PRKN: variants seen among roughly 807,000 people sequenced by gnomAD.
PRKN encodes the protein parkin RBR E3 ubiquitin protein ligase.
PRKN carries 56 observed loss-of-function variants against 59.5 expected under a neutral mutation model. The ratio of observed to expected loss-of-function variants is 0.94; its 90% CI spans 0.76 to 1.18. The LOEUF (loss-of-function observed/expected upper bound fraction) is 1.18, where lower values mean the gene tolerates loss of function less well. PRKN is among the 50% of genes most tolerant of loss of function. PRKN has a pLI of 0.00. For missense variants in PRKN, 657 were observed against 596.4 expected, an observed-to-expected ratio of 1.10 and a Z score of -1.06; for synonymous variants, 250 against 222.1, an observed-to-expected ratio of 1.13 and a Z score of -1.12.
chr6:162,593,369 T>A (rs1781381256), intron 1 of PRKN, among the ~76,000 whole-genome samples: 1 of 152,230 alleles, frequency 6.6e-6, no homozygotes, highest in East Asian at 1.9e-4. Context: ...GAAAAGAACC[T>A]GAGAAGCCCT....
intron 5 of PRKN, 43 bp from the exon 6 acceptor site, chr6:161,973,460 G>A (rs751186019): frequency 9.0e-7 from 1 of 1,108,910 alleles, no homozygotes; most frequent in South Asian, 1.3e-5. Flanking sequence ...GATCCCGGCT[G>A]CTCATTTTTC....
chr6:161,449,572 A>T (rs1292525244), intron 9 of PRKN, among the ~76,000 whole-genome samples: 1 of 152,192 alleles, frequency 6.6e-6, no homozygotes, highest in Non-Finnish European at 1.5e-5. Flanking sequence ...TCAAAGCAAC[A>T]ATAAAATAAG....
intron 4 of PRKN, among the ~76,000 whole-genome samples, chr6:162,166,557 T>A (rs1192524740): frequency 6.6e-6 from 1 of 152,182 alleles, no homozygotes. Flanking sequence ...ATTGAACTTG[T>A]TTGTCATGGT....
At position 161,475,845 on chromosome 6, in the gene PRKN, T is replaced by C. The variant is rs1192451312; in HGVS notation, c.1083+73009A>G. On this transcript the variant is annotated intron_variant, in intron 9 of 11. Coordinates refer to ENST00000366898, the MANE Select transcript of PRKN (RefSeq NM_004562.3). The surrounding 1 kb of genome is among the most constrained non-coding windows in gnomAD (Gnocchi z 5.3). ...CATGAATTTCTTTTTATTACTCTGATAACTGCATTTTCCTTTCAATCTTAT... is the reference window on the plus strand; with the variant it reads ...CATGAATTTCTTTTTATTACTCTGACAACTGCATTTTCCTTTCAATCTTAT... Among the ~76,000 whole-genome samples the C allele has an allele frequency of 2.0e-5, 3 of 152,118 alleles. No individual in the cohort carries two copies. The highest frequency in any genetic ancestry group is 2.9e-5 in the Non-Finnish European group (2 of 68,030).
At chr6:162,178,867 G>A (rs949224491) in intron 4 of PRKN, among the ~76,000 whole-genome samples, 6 of 151,914 alleles carry the variant, frequency 3.9e-5, no homozygotes, top group African/African-American at 1.5e-4. Flanking sequence ...CAGTGTTTTC[G>A]CTTGTTTGCT....
At chr6:162,314,864 G>A (rs1028230489) in intron 2 of PRKN, among the ~76,000 whole-genome samples, 8 of 152,066 alleles carry the variant, frequency 5.3e-5, no homozygotes, top group African/African-American at 1.9e-4. Flanking sequence ...CTGAACATGG[G>A]ATCAAGTAAA....
intron 5 of PRKN, among the ~76,000 whole-genome samples, chr6:161,974,315 C>A (rs1780942798): frequency 6.6e-6 from 1 of 152,096 alleles, no homozygotes; most frequent in Admixed American, 6.5e-5. Flanking sequence ...TTCTGCCTGG[C>A]ATCAACACCC....
rs1470156623 is a variant in PRKN at position 161,592,012 on chromosome 6, T to C, written c.872-22596A>G. ...CTCAAGTCTCTGATATACAATGATGTAGTATTTCTATATAACCTATGCACA... is the reference window on the plus strand; with the variant it reads ...CTCAAGTCTCTGATATACAATGATGCAGTATTTCTATATAACCTATGCACA... On this transcript the variant is annotated intron_variant, in intron 7 of 11. Coordinates refer to ENST00000366898, the MANE Select transcript of PRKN (RefSeq NM_004562.3). This position sits in a 1 kb window ranked among gnomAD's most constrained non-coding sequence, Gnocchi z 4.8. Among the ~76,000 whole-genome samples, 1 of 152,184 alleles carries C rather than the reference T, an allele frequency of 6.6e-6. No individual in the cohort carries two copies. The highest frequency in any genetic ancestry group is 1.5e-5 in the Non-Finnish European group (1 of 68,036).
chr6:162,140,724 A>AATCGAGCAC (rs11282448), intron 4 of PRKN, among the ~76,000 whole-genome samples: 76,697 of 151,740 alleles, frequency 0.51, 20,433 homozygotes, highest in African/African-American at 0.68. Flanking sequence ...AAAGCAATTT[A>AATCGAGCAC]ATGCAGGTGG....
chr6:161,366,970 T>A (rs1287780263), intron 10 of PRKN, among the ~76,000 whole-genome samples: 112 of 149,330 alleles, frequency 7.5e-4, no homozygotes, highest in African/African-American at 2.7e-3. Flanking sequence ...TTTTTTGGGG[T>A]TTTTTTGTTT....
At chr6:161,832,846 G>A (rs865838673) in intron 6 of PRKN, among the ~76,000 whole-genome samples, 10 of 151,754 alleles carry the variant, frequency 6.6e-5, no homozygotes, top group Non-Finnish European at 1.3e-4. Flanking sequence ...CAGCATCCCC[G>A]CTCCTGCCCA....
At chr6:161,392,368 G>A (rs920004653) in intron 9 of PRKN, among the ~76,000 whole-genome samples, 24 of 151,678 alleles carry the variant, frequency 1.6e-4, no homozygotes, top group African/African-American at 5.8e-4. Flanking sequence ...TGGGTGACAG[G>A]GTGAGACTCT....
intron 7 of PRKN, among the ~76,000 whole-genome samples, chr6:161,672,606 T>C (rs992264787): frequency 6.6e-6 from 1 of 151,998 alleles, no homozygotes; most frequent in Non-Finnish European, 1.5e-5. Context: ...TGAAAACCCG[T>C]CTCTATGAAA....
At chr6:161,625,110 A>G (rs1256544103) in intron 7 of PRKN, among the ~76,000 whole-genome samples, 1 of 152,242 alleles carries the variant, frequency 6.6e-6, no homozygotes, top group East Asian at 1.9e-4. Flanking sequence ...AGACACATGC[A>G]CATGTATGTT....
intron 3 of PRKN, among the ~76,000 whole-genome samples, chr6:162,204,252 C>A (rs1300259065): frequency 6.6e-6 from 1 of 152,026 alleles, no homozygotes; most frequent in Non-Finnish European, 1.5e-5. Context: ...TAAAAGATGA[C>A]AATAAAAAAT....
At chr6:161,899,353 C>T (rs972361816) in intron 6 of PRKN, among the ~76,000 whole-genome samples, 1 of 152,198 alleles carries the variant, frequency 6.6e-6, no homozygotes, top group African/African-American at 2.4e-5. Flanking sequence ...TGACAGAGGA[C>T]AAAGCCTTTC....
Position 161,356,948 on chromosome 6 carries a change from A to C in PRKN, c.1285+3140T>G, listed in dbSNP as rs1338383313. 2.0e-5 allele frequency among the ~76,000 whole-genome samples: 3 copies of C among 151,894 alleles called. No individual in the cohort carries two copies. The highest frequency in any genetic ancestry group is 2.9e-5 in the Non-Finnish European group (2 of 68,016). On this transcript the variant is annotated intron_variant, in intron 11 of 11. Transcript: ENST00000366898. The surrounding 1 kb of genome is among the most constrained non-coding windows in gnomAD (Gnocchi z 7.8). ...TGTATGTTATGTGTCACAAAGGTGAAGTGTCTCAGGTGTCCCCACAAGCCG... is the reference window on the plus strand; with the variant it reads ...TGTATGTTATGTGTCACAAAGGTGACGTGTCTCAGGTGTCCCCACAAGCCG...
chr6:161,791,149 A>C (rs1414642045), intron 6 of PRKN, among the ~76,000 whole-genome samples: 1 of 152,190 alleles, frequency 6.6e-6, no homozygotes, highest in African/African-American at 2.4e-5. Flanking sequence ...AGGTTAAGTA[A>C]AGTTCTCAAT....
chr6:161,699,901 T>G (rs1455863225), intron 7 of PRKN, among the ~76,000 whole-genome samples: 3 of 152,138 alleles, frequency 2.0e-5, no homozygotes, highest in African/African-American at 7.2e-5. Context: ...CCTTTGTTTT[T>G]CCCTCCTGTC....
Sources: allele counts gnomAD v4.1 joint callset (sites outside exome capture counted in the v4.1 genomes callset), GRCh38; gene constraint gnomAD v4.1.1; non-coding constraint Gnocchi (gnomAD v3.1); transcripts MANE v1.5; gene names NCBI Gene and HGNC (gene_info 2026-07-23, HGNC 2026-07-21).